NTRK3: variants seen among roughly 807,000 people sequenced by gnomAD.
The protein encoded by NTRK3 is NT-3 growth factor receptor.
Under a neutral mutation model 91.7 loss-of-function variants are expected in NTRK3, and 24 were observed. That is an observed-to-expected ratio of 0.26 (90% CI 0.19 to 0.37). The LOEUF (loss-of-function observed/expected upper bound fraction) is 0.37, where lower values mean the gene tolerates loss of function less well. NTRK3 is among the 10% of genes least tolerant of loss of function. NTRK3 has a pLI of 1.00. For synonymous variants in NTRK3, 483 were observed against 404.0 expected, an observed-to-expected ratio of 1.20 and a Z score of -2.34; for missense variants, 880 against 1,068.9, an observed-to-expected ratio of 0.82 and a Z score of 2.46.
chr15:87,932,223 G>C (rs1379907841), intron 16 of NTRK3, among the ~76,000 whole-genome samples: 1 of 152,146 alleles, frequency 6.6e-6, no homozygotes, highest in African/African-American at 2.4e-5. Flanking sequence ...CTTGTTCTAG[G>C]CTCGGAGAAA....
At chr15:88,020,236 C>T (rs2077508938) in intron 14 of NTRK3, among the ~76,000 whole-genome samples, 1 of 152,108 alleles carries the variant, frequency 6.6e-6, no homozygotes, top group Admixed American at 6.5e-5. Context: ...AAAAGAATCT[C>T]GCCATGAATC....
chr15:88,024,266 C>T (rs1385465879), intron 14 of NTRK3, among the ~76,000 whole-genome samples: 1 of 152,204 alleles, frequency 6.6e-6, no homozygotes, highest in African/African-American at 2.4e-5. Flanking sequence ...TGCAGATGTT[C>T]TTTGCCTTGT....
At chr15:87,961,154 C>G (rs1473148936) in intron 14 of NTRK3, among the ~76,000 whole-genome samples, 1 of 152,142 alleles carries the variant, frequency 6.6e-6, no homozygotes, top group Non-Finnish European at 1.5e-5. Context: ...TAGGTATGAT[C>G]AGGATTCTGA....
intron 15 of NTRK3, 134 bp from the exon 16 acceptor site, chr15:87,933,318 A>G (rs778580138): frequency 1.1e-5 from 9 of 842,220 alleles, no homozygotes; most frequent in East Asian, 5.3e-5. Context: ...TTTAAAGACA[A>G]TGAAGCTCAA....
chr15:87,878,902 G>A (rs574369049), intron 18 of NTRK3, among the ~76,000 whole-genome samples: 1,465 of 139,070 alleles, frequency 0.011, 26 homozygotes, highest in African/African-American at 0.037. Context: ...TCAGGTGCAT[G>A]CATGGTGTGT....
In NTRK3 at chr15:88,184,213, G is replaced by A. The variant is rs375953071; in HGVS notation, c.323+12C>T. The A allele has an allele frequency of 5.1e-5, 83 of 1,613,708 alleles. No homozygotes were observed. Among genetic ancestry groups the A allele is most frequent in the Non-Finnish European group, 6.3e-5 (74 of 1,179,812 alleles). ...CACAGGGAAAGGCCTCTCTGTGGCC[G>A]GGTGTACTCACAGCTTTTGAAGTCC... On this transcript the variant is annotated intron_variant, in intron 4 of 18. Transcript: ENST00000394480.
chr15:87,901,801 A>T (rs1030015676), intron 17 of NTRK3, among the ~76,000 whole-genome samples: 2 of 152,158 alleles, frequency 1.3e-5, no homozygotes, highest in South Asian at 2.1e-4. Context: ...GAGGAAGGGA[A>T]AAAGGAGAGG....
chr15:87,917,785 T>C (rs1255800838), intron 17 of NTRK3, among the ~76,000 whole-genome samples: 1 of 152,154 alleles, frequency 6.6e-6, no homozygotes, highest in Non-Finnish European at 1.5e-5. Context: ...TCCCTCACCA[T>C]GTGACACTCC....
chr15:88,081,825 T>C (rs1310231228), intron 13 of NTRK3, among the ~76,000 whole-genome samples: 1 of 152,146 alleles, frequency 6.6e-6, no homozygotes, highest in Non-Finnish European at 1.5e-5. Context: ...CCAACCACCT[T>C]ACTGTGCATT....
intron 13 of NTRK3, among the ~76,000 whole-genome samples, chr15:88,047,255 A>C (rs1341464155): frequency 6.6e-6 from 1 of 152,140 alleles, no homozygotes; most frequent in Non-Finnish European, 1.5e-5. Flanking sequence ...ATTTCTTCAC[A>C]ATTTTACACC....
At chr15:88,139,263 A>T (rs528490667) in intron 6 of NTRK3, among the ~76,000 whole-genome samples, 1 of 152,340 alleles carries the variant, frequency 6.6e-6, no homozygotes, top group East Asian at 1.9e-4. Context: ...AGCATTAATC[A>T]ATCCAAAACT....
At chr15:88,186,791 G>A (rs893201888) in intron 3 of NTRK3, among the ~76,000 whole-genome samples, 8 of 152,112 alleles carry the variant, frequency 5.3e-5, no homozygotes, top group Admixed American at 2.6e-4. Context: ...CATATGGCCT[G>A]CAAAACCTGA....
At chr15:88,202,413 T>C (rs2048381287) in intron 3 of NTRK3, among the ~76,000 whole-genome samples, 1 of 152,248 alleles carries the variant, frequency 6.6e-6, no homozygotes, top group Non-Finnish European at 1.5e-5. Flanking sequence ...GAAGTCATAG[T>C]TGGCAGCAAC....
intron 14 of NTRK3, among the ~76,000 whole-genome samples, chr15:88,021,541 G>A (rs72756155): frequency 0.038 from 5,714 of 152,208 alleles, 151 homozygotes; most frequent in Middle Eastern, 0.13. Context: ...CCTACAGTAC[G>A]AAAGTTACTT....
intron 14 of NTRK3, among the ~76,000 whole-genome samples, chr15:87,941,621 C>T (rs2069866660): frequency 6.6e-6 from 1 of 152,182 alleles, no homozygotes. Flanking sequence ...TTGGCCAACC[C>T]TTCTCTGAAA....
intron 5 of NTRK3, among the ~76,000 whole-genome samples, chr15:88,175,634 C>G (rs1488455617): frequency 6.6e-6 from 1 of 152,066 alleles, no homozygotes; most frequent in Admixed American, 6.5e-5. Flanking sequence ...TTTGTACGTT[C>G]CAATTTTCTA....
chr15:87,907,683 A>T (rs1459023041), intron 17 of NTRK3, among the ~76,000 whole-genome samples: 2 of 152,130 alleles, frequency 1.3e-5, no homozygotes, highest in East Asian at 3.9e-4. Context: ...TGGATCTTTA[A>T]GGCTGAGTAG....
At chr15:87,913,395 A>G (rs1394278346) in intron 17 of NTRK3, among the ~76,000 whole-genome samples, 1 of 152,156 alleles carries the variant, frequency 6.6e-6, no homozygotes, top group Non-Finnish European at 1.5e-5. Context: ...GTCCAGCAGA[A>G]TCCCTGAATT....
chr15:88,244,639 C>T (rs186859558), intron 3 of NTRK3, among the ~76,000 whole-genome samples: 3 of 152,290 alleles, frequency 2.0e-5, no homozygotes, highest in East Asian at 1.9e-4. Context: ...GCCCTTCCCT[C>T]CCTGCAGAAA....
Sources: allele counts gnomAD v4.1 joint callset (sites outside exome capture counted in the v4.1 genomes callset), GRCh38; gene constraint gnomAD v4.1.1; transcripts MANE v1.5; gene names NCBI Gene and HGNC (gene_info 2026-07-23, HGNC 2026-07-21).